Variants in ITGAE observed in about 807,000 individuals in gnomAD.
The protein encoded by ITGAE is integrin subunit alpha E, also known as integrin alpha-E.
In ITGAE, 99 loss-of-function variants were observed where a neutral mutation model predicts 136.5. The ratio of observed to expected loss-of-function variants is 0.73; its 90% confidence interval spans 0.62 to 0.86. The LOEUF is 0.86. Among genes scored for constraint, ITGAE ranks in the 40% least tolerant of loss-of-function variants. The pLI, the probability that ITGAE is intolerant of heterozygous loss-of-function variation, is 0.00. For missense variants in ITGAE, 1,447 were observed against 1,515.3 expected, an observed-to-expected ratio of 0.95 and a Z score of 0.75; for synonymous variants, 613 against 591.8, an observed-to-expected ratio of 1.04 and a Z score of -0.52.
intron 19 of ITGAE, among the ~76,000 whole-genome samples, chr17:3,742,222 T>C (rs1009551285): frequency 6.6e-6 from 1 of 152,198 alleles, no homozygotes; most frequent in Admixed American, 6.5e-5. Flanking sequence ...TGAGAAACCC[T>C]TCCAGATTAA....
chr17:3,774,051 G>C, intron 2 of ITGAE, among the ~76,000 whole-genome samples: 1 of 152,154 alleles, frequency 6.6e-6, no homozygotes, highest in East Asian at 1.9e-4. Flanking sequence ...CTGGCTGTCA[G>C]GGTCAAGGCC....
chr17:3,753,070 A>G (rs1461631697), intron 14 of ITGAE, among the ~76,000 whole-genome samples: 1 of 152,172 alleles, frequency 6.6e-6, no homozygotes, highest in Non-Finnish European at 1.5e-5. Flanking sequence ...CCACAAAAAA[A>G]GAGATATTAG....
At chr17:3,726,516 T>C (rs1232009461) in intron 26 of ITGAE, 3 of 590,674 alleles carry the variant, frequency 5.1e-6, no homozygotes, top group Admixed American at 3.3e-5. Flanking sequence ...TTAAATTTGC[T>C]GATAACAAAT....
chr17:3,776,854 A>T (rs1324812807), intron 2 of ITGAE, among the ~76,000 whole-genome samples: 1 of 150,604 alleles, frequency 6.6e-6, no homozygotes, highest in Non-Finnish European at 1.5e-5. Context: ...CCACGGTGCC[A>T]GGCCCAGTTT....
chr17:3,765,086 A>G (rs1031960588), intron 2 of ITGAE, among the ~76,000 whole-genome samples: 1 of 151,950 alleles, frequency 6.6e-6, no homozygotes, highest in Non-Finnish European at 1.5e-5. Flanking sequence ...GCGGTGGCTC[A>G]CGCCTGTAAT....
intron 28 of ITGAE, 114 bp downstream of exon 28, chr17:3,723,174 C>A: frequency 2.6e-6 from 2 of 774,192 alleles, no homozygotes; most frequent in Non-Finnish European, 2.2e-6. Flanking sequence ...TTTTTTGCAC[C>A]AAAAGATCTA....
chr17:3,734,906 T>C lies in ITGAE; in HGVS notation c.2566A>G (p.Ile856Val), dbSNP rs149901678. 4.2e-4 allele frequency: 672 copies of C among 1,614,220 alleles called. 8 individuals are homozygous for C. The East Asian group carries it at 7.4e-3, about 18-fold the overall frequency. ...VGLTKELTLN[I>V]NLTNSGEDSY... ...TCTTCCCCGGAGTTAGTTAGGTTAA[T>C]GTTCAGGGTCAGCTCCTTTGTGAGA... Residue 856 changes from isoleucine (I) to valine (V), a missense_variant, in exon 21 of 31, where the codon ATT (isoleucine) becomes GTT (valine). Coordinates refer to ENST00000263087, the MANE Select transcript of ITGAE (RefSeq NM_002208.5).
At chr17:3,744,446 CTTTT>C (rs34809324) in intron 18 of ITGAE, among the ~76,000 whole-genome samples, 2 of 128,258 alleles carry the variant, frequency 1.6e-5, no homozygotes, top group Non-Finnish European at 1.6e-5. Flanking sequence ...AGTTCTTTCT[CTTTT>C]TTTTTTTTTT....
intron 20 of ITGAE, chr17:3,738,851 C>T (rs1159784101): frequency 1.3e-5 from 2 of 152,274 alleles, no homozygotes; most frequent in Admixed American, 6.5e-5. Flanking sequence ...CAGCCCACAC[C>T]GCCTCTCACC....
chr17:3,726,164 C>T (rs764163515), intron 26 of ITGAE: 2 of 1,614,052 alleles, frequency 1.2e-6, no homozygotes, highest in South Asian at 2.2e-5. Flanking sequence ...GTAATGTGCT[C>T]TGGTTACATT....
At position 3,778,706 on chromosome 17, in the gene ITGAE, C is replaced by T. The variant is rs542431125; in HGVS notation, c.35-1046G>A. ...TTATTCAATGGTTATAATCTGTTAT[C>T]ACTATATTGGTTCTCAAAGTGTCCC... On this transcript the variant is annotated intron_variant, in intron 1 of 30. Coordinates refer to ENST00000263087, the MANE Select transcript of ITGAE (RefSeq NM_002208.5). Among the ~76,000 whole-genome samples the T allele has an allele frequency of 7.9e-5, 12 of 152,280 alleles. No homozygotes were observed. In the East Asian group the frequency reaches 2.3e-3, roughly 29 times the overall value.
At chr17:3,797,218 T>C (rs1055850468) in intron 1 of ITGAE, among the ~76,000 whole-genome samples, 4 of 141,654 alleles carry the variant, frequency 2.8e-5, no homozygotes, top group African/African-American at 5.2e-5. Context: ...CAGGCTGGAG[T>C]GCAGTGGCGC....
Position 3,723,772 on chromosome 17 carries a change from G to C in ITGAE, c.3085-28C>G, listed in dbSNP as rs773555178. The C allele has an allele frequency of 3.1e-6, 5 of 1,603,494 alleles. No individual in the cohort carries two copies. The Admixed American group carries it at 6.9e-5, about 22-fold the overall frequency. On this transcript the variant is annotated intron_variant, in intron 26 of 30. Transcript: ENST00000263087. Reference sequence around the variant, plus strand: ...GAAACGAGAGCCATGACCGCGACGCGCTGAACAAACCAAGCCGCCAGTTTT... The same window carrying C: ...GAAACGAGAGCCATGACCGCGACGCCCTGAACAAACCAAGCCGCCAGTTTT...
intron 26 of ITGAE, 28 bp from the exon 27 acceptor site, chr17:3,723,772 G>A (rs773555178): frequency 1.2e-6 from 2 of 1,603,494 alleles, no homozygotes; most frequent in Non-Finnish European, 1.7e-6. Flanking sequence ...ACCGCGACGC[G>A]CTGAACAAAC....
At chr17:3,741,365 G>A (rs908090707) in intron 19 of ITGAE, among the ~76,000 whole-genome samples, 2 of 151,808 alleles carry the variant, frequency 1.3e-5, no homozygotes, top group African/African-American at 4.8e-5. Flanking sequence ...GGGATTACAG[G>A]CGTGAGCCCC....
intron 1 of ITGAE, among the ~76,000 whole-genome samples, chr17:3,783,254 C>T (rs771626093): frequency 1.3e-4 from 20 of 152,220 alleles, no homozygotes; most frequent in Non-Finnish European, 2.8e-4. Context: ...AATTCTCCTG[C>T]CTCAGTCTCC....
At chr17:3,758,791 G>A (rs1244892861) in intron 8 of ITGAE, among the ~76,000 whole-genome samples, 1 of 151,982 alleles carries the variant, frequency 6.6e-6, no homozygotes, top group Non-Finnish European at 1.5e-5. Context: ...TGAAGCACAG[G>A]TCACAAGGTC....
intron 10 of ITGAE, among the ~76,000 whole-genome samples, chr17:3,756,464 C>T (rs186255537): frequency 6.1e-5 from 9 of 147,634 alleles, no homozygotes; most frequent in Non-Finnish European, 1.3e-4. Flanking sequence ...TGCAGTGGCG[C>T]GATCTTGGCT....
intron 15 of ITGAE, among the ~76,000 whole-genome samples, 156 bp downstream of exon 15, chr17:3,751,494 C>A (rs1277980624): frequency 2.6e-5 from 4 of 151,766 alleles, no homozygotes; most frequent in African/African-American, 7.3e-5. Context: ...TCTGGAAGCT[C>A]CCCCTAGCCT....
Sources: gnomAD v4.1 joint callset for allele counts (sites outside exome capture counted in the v4.1 genomes callset) on GRCh38, gnomAD v4.1.1 for gene constraint, MANE v1.5 for transcripts, NCBI Gene and HGNC (gene_info 2026-07-23, HGNC 2026-07-21) for gene names.